The following FSTL5 variants were observed in gnomAD, a reference collection of about 807,000 sequenced individuals.
FSTL5 encodes the protein follistatin like 5, also known as follistatin-related protein 5.
In FSTL5, 62 loss-of-function variants were observed where a neutral mutation model predicts 89.1. That is an observed-to-expected ratio of 0.70 (90% CI 0.57 to 0.86). FSTL5 has a LOEUF of 0.86. Among genes scored for constraint, FSTL5 ranks in the 40% least tolerant of loss-of-function variants. The pLI, the probability that FSTL5 is intolerant of heterozygous loss-of-function variation, is 0.00. For missense variants in FSTL5, 1,057 were observed against 1,001.6 expected (o/e 1.06, Z -0.75); for synonymous variants, 383 against 346.2 (o/e 1.11, Z -1.18).
chr4:161,587,409 C>G, intron 8 of FSTL5, 46 bp downstream of exon 8: 1 of 1,591,944 alleles, frequency 6.3e-7, no homozygotes, highest in African/African-American at 1.3e-5. Flanking sequence ...TCCTAGTAAA[C>G]TATGGTGTTC....
intron 2 of FSTL5, among the ~76,000 whole-genome samples, chr4:162,097,882 C>T (rs576336200): frequency 3.9e-5 from 6 of 152,018 alleles, no homozygotes; most frequent in Admixed American, 3.9e-4. Flanking sequence ...GAAAATTGTA[C>T]ATCTATAGAA....
intron 3 of FSTL5, among the ~76,000 whole-genome samples, chr4:162,023,743 A>C (rs1299540356): frequency 6.6e-6 from 1 of 152,188 alleles, no homozygotes; most frequent in Admixed American, 6.6e-5. Context: ...TGTTAGAAAT[A>C]GCTTTTAAAG....
chr4:161,744,117 GA>G (rs1180654028), intron 6 of FSTL5, among the ~76,000 whole-genome samples: 2 of 151,798 alleles, frequency 1.3e-5, no homozygotes, highest in Non-Finnish European at 2.9e-5. Flanking sequence ...TTTTTTCAAA[GA>G]TAGATGCTTT....
At chr4:162,083,806 T>C (rs920762188) in intron 2 of FSTL5, among the ~76,000 whole-genome samples, 1 of 151,716 alleles carries the variant, frequency 6.6e-6, no homozygotes, top group Non-Finnish European at 1.5e-5. Context: ...ACTGAAAACA[T>C]AAAGAAAACA....
rs550281011 is a variant in FSTL5, at chr4:161,467,763, T to G, written c.1609-8444A>C. ...TTATTTCACCCAGCAGGTAAGAGAGTTATGGAACTCATTATCTAAAGAGGC... is the reference window on the plus strand; with the variant it reads ...TTATTTCACCCAGCAGGTAAGAGAGGTATGGAACTCATTATCTAAAGAGGC... On this transcript the variant is annotated intron_variant, in intron 13 of 15. Coordinates refer to ENST00000306100, the MANE Select transcript of FSTL5 (RefSeq NM_020116.5). 4.6e-5 allele frequency among the ~76,000 whole-genome samples: 7 copies of G among 152,072 alleles called. No homozygotes were observed. The South Asian group carries it at 1.5e-3, about 32-fold the overall frequency.
intron 11 of FSTL5, among the ~76,000 whole-genome samples, chr4:161,508,174 G>A (rs193076272): frequency 3.0e-4 from 45 of 152,090 alleles, no homozygotes; most frequent in Non-Finnish European, 5.4e-4. Flanking sequence ...CCTCAAGCCA[G>A]TCTATTTTCT....
chr4:161,411,463 G>A (rs971041436), intron 15 of FSTL5, among the ~76,000 whole-genome samples: 3 of 151,860 alleles, frequency 2.0e-5, no homozygotes, highest in Non-Finnish European at 2.9e-5. Flanking sequence ...ATAAAATCCA[G>A]TAGCATATCA....
intron 13 of FSTL5, among the ~76,000 whole-genome samples, chr4:161,475,146 G>C (rs1734089302): frequency 6.6e-6 from 1 of 151,554 alleles, no homozygotes; most frequent in Admixed American, 6.6e-5. Flanking sequence ...AGTATGTGTA[G>C]AGTTGTTTCC....
chr4:161,826,566 C>T (rs1730676201), intron 4 of FSTL5, among the ~76,000 whole-genome samples: 1 of 152,018 alleles, frequency 6.6e-6, no homozygotes, highest in Admixed American at 6.6e-5. Context: ...TTTGGGAGTT[C>T]CAATGTTTAG....
chr4:161,987,920 A>ACTT (rs551044248), intron 3 of FSTL5, among the ~76,000 whole-genome samples: 2 of 151,846 alleles, frequency 1.3e-5, no homozygotes, highest in South Asian at 4.1e-4. Context: ...TCTTAGTCCA[A>ACTT]CTTCTTTCTT....
intron 1 of FSTL5, among the ~76,000 whole-genome samples, chr4:162,137,705 GA>G (rs1212693214): frequency 6.6e-6 from 1 of 152,122 alleles, no homozygotes; most frequent in Admixed American, 6.5e-5. Flanking sequence ...ATAGCATTTG[GA>G]AAAGGTTTAT....
intron 7 of FSTL5, among the ~76,000 whole-genome samples, chr4:161,609,156 T>C (rs1314057218): frequency 2.0e-5 from 3 of 152,132 alleles, no homozygotes; most frequent in Non-Finnish European, 2.9e-5. Context: ...TGCAGCACAA[T>C]GCCTGGCACA....
intron 1 of FSTL5, among the ~76,000 whole-genome samples, chr4:162,150,744 A>T (rs192281232): frequency 6.8e-4 from 104 of 152,286 alleles, no homozygotes; most frequent in African/African-American, 2.4e-3. Context: ...AAATAATATG[A>T]CAATACCTAT....
intron 7 of FSTL5, among the ~76,000 whole-genome samples, chr4:161,635,563 T>C (rs1735659102): frequency 1.3e-5 from 2 of 151,742 alleles, no homozygotes; most frequent in South Asian, 2.1e-4. Flanking sequence ...CATAAACTTA[T>C]ACATATCTGT....
At chr4:161,509,826 C>T (rs11731838) in intron 11 of FSTL5, among the ~76,000 whole-genome samples, 4,594 of 152,178 alleles carry the variant, frequency 0.03, 158 homozygotes, top group East Asian at 0.15. Context: ...CCAGTAACAA[C>T]TGCAATAATA....
At chr4:161,589,237 G>C (rs1733725025) in intron 7 of FSTL5, among the ~76,000 whole-genome samples, 1 of 152,012 alleles carries the variant, frequency 6.6e-6, no homozygotes, top group South Asian at 2.1e-4. Flanking sequence ...GCAATGGCAT[G>C]ACCTCGTCTC....
intron 7 of FSTL5, among the ~76,000 whole-genome samples, chr4:161,642,167 A>AT (rs981777233): frequency 8.6e-5 from 13 of 151,818 alleles, no homozygotes; most frequent in Admixed American, 2.6e-4. Context: ...CATGGCTACT[A>AT]TTTTTTTTGT....
At position 161,428,587 on chromosome 4, in the gene FSTL5, C is replaced by A. The variant is rs80127191; in HGVS notation, c.1841+26417G>T. ...CTCTCAGGCCCCCATTCCAGGCCCT[C>A]GCTCCTGGATGACATTTCTAGACAC... On this transcript the variant is annotated intron_variant, in intron 15 of 15. Coordinates refer to ENST00000306100, the MANE Select transcript of FSTL5 (RefSeq NM_020116.5). Among the ~76,000 whole-genome samples, 523 of 152,282 alleles carry A rather than the reference C, an allele frequency of 3.4e-3. 13 individuals carry two copies. The East Asian group carries it at 0.054, about 16-fold the overall frequency.
intron 6 of FSTL5, among the ~76,000 whole-genome samples, chr4:161,659,220 T>C (rs983890592): frequency 1.3e-4 from 20 of 152,280 alleles, no homozygotes; most frequent in African/African-American, 4.8e-4. Flanking sequence ...ATATATTTCG[T>C]GGTAATACTT....
Sources: gnomAD v4.1 joint callset for allele counts (sites outside exome capture counted in the v4.1 genomes callset) on GRCh38, gnomAD v4.1.1 for gene constraint, MANE v1.5 for transcripts, NCBI Gene and HGNC (gene_info 2026-07-23, HGNC 2026-07-21) for gene names.